Variants in RNPEP observed in about 807,000 individuals in gnomAD.
The protein encoded by RNPEP is aminopeptidase B.
Under a neutral mutation model 70.1 loss-of-function variants are expected in RNPEP, and 57 were observed. The ratio of observed to expected loss-of-function variants is 0.81; its 90% confidence interval spans 0.66 to 1.01. The LOEUF is 1.01. RNPEP is among the 50% of genes least tolerant of loss of function. The pLI, the probability that RNPEP is intolerant of heterozygous loss-of-function variation, is 0.00. For synonymous variants in RNPEP, 335 were observed against 357.4 expected, an observed-to-expected ratio of 0.94 and a Z score of 0.71; for missense variants, 787 against 852.4, an observed-to-expected ratio of 0.92 and a Z score of 0.96.
intron 9 of RNPEP, among the ~76,000 whole-genome samples, chr1:202,003,729 C>G (rs1683932370): frequency 6.6e-6 from 1 of 152,186 alleles, no homozygotes. Flanking sequence ...GTCACAAAGC[C>G]TGGCATTGCT....
Position 201,989,497 on chromosome 1 carries a change from A to T in RNPEP, c.703A>T (p.Ile235Phe). The T allele has an allele frequency of 6.2e-7, 1 of 1,614,132 alleles. No individual in the cohort carries two copies. The highest frequency in any genetic ancestry group is 8.5e-7 in the Non-Finnish European group (1 of 1,180,022). ...CCCCTCCTATCTGATAGCTTTGGCC[A>T]TCGGAGATCTGGTTTCGGCTGAAGT... ...PIPSYLIALA[I>F]GDLVSAEVGP... The change falls in exon 3 of 11, where the codon ATC becomes TTC. Residue 235 changes from isoleucine (I) to phenylalanine (F), a missense_variant. Coordinates refer to ENST00000295640, the MANE Select transcript of RNPEP (RefSeq NM_020216.4).
At chr1:201,994,833 AT>A (rs34077790) in intron 3 of RNPEP, among the ~76,000 whole-genome samples, 47,131 of 84,506 alleles carry the variant, frequency 0.56, 12,686 homozygotes, top group Admixed American at 0.65. Flanking sequence ...TGTCCTGCTA[AT>A]TTTTTTTTTT....
intron 1 of RNPEP, among the ~76,000 whole-genome samples, chr1:201,984,173 G>A (rs1327916061): frequency 6.6e-6 from 1 of 152,112 alleles, no homozygotes; most frequent in Non-Finnish European, 1.5e-5. Context: ...CTCGTGATCC[G>A]CCTGCCTCGG....
rs182783337 is a variant in RNPEP, at chr1:201,993,573, G to A, written c.738-2574G>A. Among the ~76,000 whole-genome samples the A allele has an allele frequency of 8.0e-3, 1,206 of 151,484 alleles. 13 individuals carry two copies. Among genetic ancestry groups the A allele is most frequent in the Non-Finnish European group, 0.013 (915 of 67,890 alleles). On this transcript the variant is annotated intron_variant, in intron 3 of 10. Transcript: ENST00000295640. Reference sequence around the variant, plus strand: ...GATTGCACTACTGCACTCCAGCCTGGGTGACAAAGTGAGACTCCACCTCAA... The same window carrying A: ...GATTGCACTACTGCACTCCAGCCTGAGTGACAAAGTGAGACTCCACCTCAA...
intron 1 of RNPEP, among the ~76,000 whole-genome samples, chr1:201,984,481 G>A (rs1422853328): frequency 6.6e-6 from 1 of 152,172 alleles, no homozygotes; most frequent in Non-Finnish European, 1.5e-5. Context: ...GAATAGAATG[G>A]GAGGCAGGTG....
At chr1:201,997,683 A>G (rs1683612022) in intron 5 of RNPEP, 129 bp downstream of exon 5, 2 of 596,350 alleles carry the variant, frequency 3.4e-6, no homozygotes, top group Admixed American at 3.2e-5. Context: ...TGTATCCAAC[A>G]TTTTTCTGTA....
chr1:201,992,486 T>C (rs1683376781), intron 3 of RNPEP, among the ~76,000 whole-genome samples: 1 of 152,128 alleles, frequency 6.6e-6, no homozygotes, highest in African/African-American at 2.4e-5. Context: ...CTTGTCCTCA[T>C]TCATCCTGAC....
At chr1:201,986,181 A>G (rs572504507) in intron 1 of RNPEP, among the ~76,000 whole-genome samples, 1 of 152,206 alleles carries the variant, frequency 6.6e-6, no homozygotes, top group Non-Finnish European at 1.5e-5. Flanking sequence ...CAATTCTCCC[A>G]TCTTGGCCTC....
intron 8 of RNPEP, among the ~76,000 whole-genome samples, chr1:202,001,987 C>A (rs1282434695): frequency 6.6e-6 from 1 of 152,062 alleles, no homozygotes; most frequent in Admixed American, 6.5e-5. Flanking sequence ...TCCTTACTCT[C>A]TCCTCTCACC....
At chr1:202,000,089 T>C (rs1683736919) in intron 6 of RNPEP, 74 bp downstream of exon 6, 1 of 1,042,878 alleles carries the variant, frequency 9.6e-7, no homozygotes, top group South Asian at 1.4e-5. Flanking sequence ...GCGAACTTCA[T>C]GTTGATCAGT....
At chr1:202,004,842 A>G (rs1352847853) in intron 10 of RNPEP, among the ~76,000 whole-genome samples, 1 of 152,226 alleles carries the variant, frequency 6.6e-6, no homozygotes, top group Non-Finnish European at 1.5e-5. Context: ...AGAGGAACAA[A>G]GGCTTGGAGG....
intron 8 of RNPEP, among the ~76,000 whole-genome samples, chr1:202,002,220 A>G (rs10920302): frequency 0.27 from 40,347 of 149,872 alleles, 5,896 homozygotes; most frequent in South Asian, 0.5. Context: ...CTGGAGTGCA[A>G]TGGCACGATC....
chr1:201,999,540 T>G (rs1019394975), intron 5 of RNPEP, among the ~76,000 whole-genome samples: 7 of 152,002 alleles, frequency 4.6e-5, no homozygotes, highest in African/African-American at 1.7e-4. Context: ...AGGCTTTGTC[T>G]CAAAAAATAA....
chr1:202,005,781 CA>C lies in RNPEP; in HGVS notation c.*68del. ...GGCTTTCAGAATAATTGTTTGTTCC[CA>C]AATTCCTGTTCCCTGATCAACTTCC... On this transcript the variant is annotated 3_prime_UTR_variant, in exon 11 of 11. Coordinates refer to ENST00000295640, the MANE Select transcript of RNPEP (RefSeq NM_020216.4). 6.4e-7 allele frequency: 1 copy of C among 1,564,366 alleles called. No individual in the cohort carries two copies. The highest frequency in any genetic ancestry group is 2.3e-5 in the East Asian group (1 of 44,428).
intron 10 of RNPEP, among the ~76,000 whole-genome samples, chr1:202,005,237 C>T (rs55827939): frequency 0.052 from 7,947 of 152,284 alleles, 281 homozygotes; most frequent in Admixed American, 0.079. Context: ...CTGCTATTCA[C>T]GTGGTGGCTC....
rs1682995238 is a variant in RNPEP at position 201,983,024 on chromosome 1, C to A, written c.358C>A (p.Gln120Lys). The A allele has an allele frequency of 3.3e-6, 5 of 1,526,370 alleles. No homozygotes were observed. Among genetic ancestry groups the A allele is most frequent in the Admixed American group, 4.1e-5 (2 of 48,754 alleles). The allele number at this position is 1,526,370 out of a possible 1,614,324, so 94.6% of individuals were successfully genotyped here. The change falls in exon 1 of 11, where the codon CAG becomes AAG. Residue 120 changes from glutamine to lysine, a missense_variant. Gln to Lys is a moderately conservative substitution (Grantham distance 53, BLOSUM62 1). Transcript: ENST00000295640. ...CACGCAGCCCTTCTCGCACTATGGC[C>A]AGGCCCTGTGCGTGTCCTTCCCGCA... ...FYTQPFSHYGQALCVSFPQPC... is the reference protein window; with the variant it reads ...FYTQPFSHYGKALCVSFPQPC...
intron 4 of RNPEP, among the ~76,000 whole-genome samples, chr1:201,996,905 C>G (rs919217992): frequency 2.0e-5 from 3 of 152,156 alleles, no homozygotes; most frequent in African/African-American, 7.2e-5. Context: ...GGAAGTTTCC[C>G]CACACTCTGT....
intron 5 of RNPEP, among the ~76,000 whole-genome samples, chr1:201,998,207 G>A (rs1054057380): frequency 2.8e-5 from 4 of 145,308 alleles, no homozygotes; most frequent in Non-Finnish European, 6.0e-5. Context: ...TAAATTCTTA[G>A]AAACATAATT....
chr1:201,995,913 A>T (rs1683527681), intron 3 of RNPEP: 1 of 498,904 alleles, frequency 2.0e-6, no homozygotes, highest in Admixed American at 3.7e-5. Context: ...TAGTGAAGCC[A>T]TAACTGCGTA....
Sources: gnomAD v4.1 joint callset for allele counts (sites outside exome capture counted in the v4.1 genomes callset) on GRCh38, gnomAD v4.1.1 for gene constraint, MANE v1.5 for transcripts, NCBI Gene and HGNC (gene_info 2026-07-23, HGNC 2026-07-21) for gene names.